Variants in DSCAML1 observed in about 807,000 individuals in gnomAD.
DSCAML1 encodes the protein DS cell adhesion molecule like 1.
DSCAML1 carries 38 observed loss-of-function variants against 200.5 expected under a neutral mutation model. The ratio of observed to expected loss-of-function variants is 0.19; its 90% CI spans 0.15 to 0.25. The LOEUF (loss-of-function observed/expected upper bound fraction) is 0.25. DSCAML1 is among the 10% of genes least tolerant of loss of function. The pLI is 1.00. For synonymous variants in DSCAML1, 1,215 were observed against 1,165.0 expected (o/e 1.04, Z -0.87); for missense variants, 2,223 against 2,858.8 (o/e 0.78, Z 5.07).
Position 117,505,333 on chromosome 11 carries a change from C to T in DSCAML1, c.2062+121G>A, listed in dbSNP as rs921483064. 30 of 1,369,338 alleles carry T rather than the reference C, an allele frequency of 2.2e-5. No individual in the cohort carries two copies. The highest frequency in any genetic ancestry group is 2.8e-5 in the Non-Finnish European group (28 of 1,013,978). 84.8% of individuals were successfully genotyped at this position (1,369,338 alleles called of 1,614,324 possible). ...TAAGAGGTTTAGGCTCCAACAGGCC[C>T]TTCAAGATGCTGGAGCCCACCTTCC... On this transcript the variant is annotated intron_variant, in intron 9 of 32. Transcript: ENST00000651296. The surrounding 1 kb of genome is among the most constrained non-coding windows in gnomAD (Gnocchi z 6.7).
upstream of DSCAML1, among the ~76,000 whole-genome samples, chr11:117,800,391 A>G (rs905692402): frequency 2.0e-5 from 3 of 152,214 alleles, no homozygotes; most frequent in South Asian, 6.2e-4. Flanking sequence ...ATTATATGGA[A>G]AACTTCACAC....
rs12287646 is a variant in DSCAML1, at chr11:117,669,030, T to G, written c.511+107761A>C. Among the ~76,000 whole-genome samples, 747 of 152,160 alleles carry G rather than the reference T, an allele frequency of 4.9e-3. 4 individuals carry two copies. The highest frequency in any genetic ancestry group is 0.015 in the African/African-American group (642 of 41,520). ...TTTTCTCCCTCCCTTTCCAGCCACCTCTCCTCTCCAGATCCCACTCCTATG... is the reference window on the plus strand; with the variant it reads ...TTTTCTCCCTCCCTTTCCAGCCACCGCTCCTCTCCAGATCCCACTCCTATG... On this transcript the variant is annotated intron_variant, in intron 3 of 32. Transcript: ENST00000651296.
intron 3 of DSCAML1, among the ~76,000 whole-genome samples, chr11:117,565,795 G>C (rs141047910): frequency 0.012 from 1,843 of 152,310 alleles, 22 homozygotes; most frequent in Middle Eastern, 0.058. Context: ...CAGATGCATG[G>C]CCAGGCTCAC....
chr11:117,435,790 G>T lies in DSCAML1; in HGVS notation c.4730C>A (p.Pro1577Gln). 1 of 1,606,610 alleles carries T rather than the reference G, an allele frequency of 6.2e-7. No individual in the cohort carries two copies. The highest frequency in any genetic ancestry group is 8.5e-7 in the Non-Finnish European group (1 of 1,173,992). The change falls in exon 27 of 33, where the codon CCA (proline) becomes CAA (glutamine). Residue 1577 changes from proline to glutamine, a missense_variant. Pro to Gln is a moderately conservative substitution (Grantham distance 76). Transcript: ENST00000651296. ...TTCACCTTGAGCAGACTTGATGGGT[G>T]GAATGGTGCCTGAATGAGGGCAAAG... Reference protein sequence around the residue: ...ATLDYDGSTIPPIKSAQGEGD... With the variant: ...ATLDYDGSTIQPIKSAQGEGD...
chr11:117,738,138 C>T (rs1199141820), intron 3 of DSCAML1, among the ~76,000 whole-genome samples: 1 of 152,136 alleles, frequency 6.6e-6, no homozygotes. Flanking sequence ...CATCTATATA[C>T]AGATACATAT....
Position 117,482,158 on chromosome 11 carries a change from C to A in DSCAML1, c.2364G>T (p.Pro788=), listed in dbSNP as rs564080843. ...SKSMFLTVKI[P]AMITSHPNTT... ...TGTTGGGGTGGGAAGTGATCATGGC[C>A]GGGACTGGGGGGCGGAGGCAGAGAA... Residue 788 remains proline, a synonymous_variant, in exon 12 of 33, where the codon CCG becomes CCT. Transcript: ENST00000651296. The A allele has an allele frequency of 6.2e-7, 1 of 1,614,004 alleles. No homozygotes were observed. The highest frequency in any genetic ancestry group is 2.2e-5 in the East Asian group (1 of 44,880).
At chr11:117,769,213 TTATATATATTG>T (rs1246117766) in intron 3 of DSCAML1, among the ~76,000 whole-genome samples, 29 of 17,256 alleles carry the variant, frequency 1.7e-3, no homozygotes, top group Admixed American at 0.011. Flanking sequence ...ATTATATATT[TTATATATATTG>T]TATATATTAT....
chr11:117,697,861 T>C (rs1455262784), intron 3 of DSCAML1, among the ~76,000 whole-genome samples: 3 of 148,854 alleles, frequency 2.0e-5, no homozygotes, highest in Non-Finnish European at 3.0e-5. Flanking sequence ...AACCTCCACC[T>C]CCCAGGTTCA....
chr11:117,506,843 G>A (rs557958049), intron 8 of DSCAML1, among the ~76,000 whole-genome samples: 1 of 152,308 alleles, frequency 6.6e-6, no homozygotes, highest in South Asian at 2.1e-4. Flanking sequence ...CACCACACCA[G>A]GTCCAGAGAT....
At chr11:117,520,116 C>G (rs952994321) in intron 6 of DSCAML1, among the ~76,000 whole-genome samples, 1 of 152,210 alleles carries the variant, frequency 6.6e-6, no homozygotes, top group Non-Finnish European at 1.5e-5. Context: ...TCTGCCAGCC[C>G]CCACTGCTCC....
intron 3 of DSCAML1, among the ~76,000 whole-genome samples, chr11:117,621,942 T>C (rs2051943309): frequency 1.3e-5 from 2 of 152,212 alleles, no homozygotes; most frequent in Admixed American, 1.3e-4. Context: ...AAAGGACGTG[T>C]TTCATAAAAA....
intron 21 of DSCAML1, among the ~76,000 whole-genome samples, chr11:117,440,507 G>A (rs1187158214): frequency 6.6e-6 from 1 of 152,206 alleles, no homozygotes; most frequent in Non-Finnish European, 1.5e-5. Flanking sequence ...ATACTCTGGG[G>A]TAACCAAAGC....
At chr11:117,625,006 A>C (rs1235191628) in intron 3 of DSCAML1, among the ~76,000 whole-genome samples, 1 of 152,088 alleles carries the variant, frequency 6.6e-6, no homozygotes, top group Non-Finnish European at 1.5e-5. Flanking sequence ...CTGTAATTTA[A>C]TTGGTCTGGA....
chr11:117,439,778 T>A (rs2048005875), intron 22 of DSCAML1, 41 bp downstream of exon 22: 1 of 1,581,182 alleles, frequency 6.3e-7, no homozygotes, highest in Non-Finnish European at 8.7e-7. Context: ...ACTATATCCC[T>A]CTTTGGGGCC....
chr11:117,592,531 C>A (rs990803732), intron 3 of DSCAML1, among the ~76,000 whole-genome samples: 5 of 152,108 alleles, frequency 3.3e-5, no homozygotes, highest in Non-Finnish European at 5.9e-5. Context: ...GCCCCATAAC[C>A]CCTGATATCT....
chr11:117,507,157 G>A (rs1488492344), intron 8 of DSCAML1, among the ~76,000 whole-genome samples: 1 of 149,716 alleles, frequency 6.7e-6, no homozygotes, highest in Non-Finnish European at 1.5e-5. Context: ...AGCAAGTGGG[G>A]CAGAAGAGAG....
At chr11:117,751,194 G>A (rs1046752331) in intron 3 of DSCAML1, among the ~76,000 whole-genome samples, 15 of 152,018 alleles carry the variant, frequency 9.9e-5, no homozygotes, top group Non-Finnish European at 2.1e-4. Context: ...GGGTTTGATG[G>A]AATAATTATA....
Position 117,469,892 on chromosome 11 carries a change from T to C in DSCAML1, c.3024+18A>G, listed in dbSNP as rs900460893. 1.7e-5 allele frequency: 27 copies of C among 1,589,946 alleles called. No homozygotes were observed. The highest frequency in any genetic ancestry group is 2.3e-5 in the South Asian group (2 of 86,700). Reference sequence around the variant, plus strand: ...AGGCAAGCAGACATTCCAGGGGAGATGCCTTAGACACACTTACCTTCCAGG... The same window carrying C: ...AGGCAAGCAGACATTCCAGGGGAGACGCCTTAGACACACTTACCTTCCAGG... On this transcript the variant is annotated intron_variant, in intron 16 of 32. Coordinates refer to ENST00000651296, the MANE Select transcript of DSCAML1 (RefSeq NM_020693.4). The surrounding 1 kb of genome is among the most constrained non-coding windows in gnomAD (Gnocchi z 4.1).
intron 3 of DSCAML1, among the ~76,000 whole-genome samples, chr11:117,686,188 G>C (rs1344722828): frequency 6.6e-6 from 1 of 152,208 alleles, no homozygotes; most frequent in African/African-American, 2.4e-5. Flanking sequence ...ATGGAGCTGG[G>C]AAGGAGTGAT....
Sources: allele counts gnomAD v4.1 joint callset (sites outside exome capture counted in the v4.1 genomes callset), GRCh38; gene constraint gnomAD v4.1.1; non-coding constraint Gnocchi (gnomAD v3.1); transcripts MANE v1.5; gene names NCBI Gene and HGNC (gene_info 2026-07-23, HGNC 2026-07-21).